The following ADGRV1 variants were observed in gnomAD, a reference collection of about 807,000 sequenced individuals.
ADGRV1 encodes the protein adhesion G protein-coupled receptor V1.
Under a neutral mutation model 596.2 loss-of-function variants are expected in ADGRV1, and 359 were observed. That is an observed-to-expected ratio of 0.60 (90% CI 0.55 to 0.66). ADGRV1 has a LOEUF of 0.66. Ranked by LOEUF, ADGRV1 falls within the 30% of genes least tolerant of loss-of-function variation. The pLI is 0.00. For synonymous variants in ADGRV1, 2,681 were observed against 2,679.2 expected, an observed-to-expected ratio of 1.00 and a Z score of -0.02; for missense variants, 7,274 against 7,575.6, an observed-to-expected ratio of 0.96 and a Z score of 1.48.
At chr5:90,803,349 A>G (rs925758940) in intron 71 of ADGRV1, among the ~76,000 whole-genome samples, 2 of 152,192 alleles carry the variant, frequency 1.3e-5, no homozygotes, top group Non-Finnish European at 2.9e-5. Flanking sequence ...TTATTTCCCA[A>G]TCATTTCATA....
At chr5:90,842,500 C>T (rs1444738104) in intron 78 of ADGRV1, among the ~76,000 whole-genome samples, 1 of 152,124 alleles carries the variant, frequency 6.6e-6, no homozygotes, top group African/African-American at 2.4e-5. Context: ...AGGCAGATCA[C>T]TTGAGGTCAG....
intron 48 of ADGRV1, among the ~76,000 whole-genome samples, chr5:90,728,368 G>A (rs1260055209): frequency 1.3e-5 from 2 of 152,066 alleles, no homozygotes; most frequent in Non-Finnish European, 2.9e-5. Context: ...TTTCCCTGCT[G>A]TCAACAACCC....
chr5:90,573,918 A>T (rs1164822208), intron 1 of ADGRV1, among the ~76,000 whole-genome samples: 1 of 152,206 alleles, frequency 6.6e-6, no homozygotes, highest in East Asian at 1.9e-4. Flanking sequence ...TCTTTTCCCC[A>T]TTGCTTGTTT....
intron 28 of ADGRV1, 128 bp from the exon 29 acceptor site, chr5:90,685,652 A>C (rs1420093535): frequency 2.7e-6 from 1 of 375,292 alleles, no homozygotes. Flanking sequence ...AATAAATAGT[A>C]GAGGGAAAAC....
chr5:90,750,709 A>G lies in ADGRV1; in HGVS notation c.11121+12A>G. ...CTACCTCAGGAGTGGTATGTAATTT[A>G]CAAAGTTATAGGAAACACTTTTAAA... On this transcript the variant is annotated intron_variant, in intron 53 of 89. Transcript: ENST00000405460. 2 of 1,605,092 alleles carry G rather than the reference A, an allele frequency of 1.2e-6. No homozygotes were observed.
chr5:90,765,430 C>CAA, intron 59 of ADGRV1, among the ~76,000 whole-genome samples: 1 of 37,576 alleles, frequency 2.7e-5, no homozygotes, highest in Non-Finnish European at 6.3e-5. Flanking sequence ...AATCACAGAC[C>CAA]ACACACACAC....
At chr5:91,139,330 G>C (rs1272542776) in intron 87 of ADGRV1, among the ~76,000 whole-genome samples, 1 of 152,120 alleles carries the variant, frequency 6.6e-6, no homozygotes, top group Non-Finnish European at 1.5e-5. Context: ...AAAAGATTTA[G>C]AAGCCCAGTA....
At chr5:90,928,972 G>A (rs545277966) in intron 83 of ADGRV1, among the ~76,000 whole-genome samples, 5,140 of 148,646 alleles carry the variant, frequency 0.035, 142 homozygotes, top group Non-Finnish European at 0.055. Context: ...ACCCACTTGA[G>A]GAGGCAGTCT....
chr5:90,788,971 C>CA (rs1759784862), intron 68 of ADGRV1, among the ~76,000 whole-genome samples: 1 of 151,828 alleles, frequency 6.6e-6, no homozygotes, highest in African/African-American at 2.4e-5. Flanking sequence ...CTGGCAAGTC[C>CA]AAAATCCATG....
intron 86 of ADGRV1, among the ~76,000 whole-genome samples, chr5:91,101,789 G>GCACA (rs144940667): frequency 0.063 from 9,459 of 150,726 alleles, 401 homozygotes; most frequent in East Asian, 0.15. Flanking sequence ...ACGTGCGCAT[G>GCACA]CACACACACA....
intron 59 of ADGRV1, among the ~76,000 whole-genome samples, chr5:90,769,692 T>A (rs1757490364): frequency 6.6e-6 from 1 of 152,192 alleles, no homozygotes; most frequent in African/African-American, 2.4e-5. Flanking sequence ...TATTAAATAG[T>A]ATTATTTTAA....
intron 85 of ADGRV1, among the ~76,000 whole-genome samples, chr5:91,047,403 T>G (rs1439583703): frequency 6.6e-6 from 1 of 152,116 alleles, no homozygotes; most frequent in African/African-American, 2.4e-5. Context: ...GTATGCAAGC[T>G]GAGGAGCAAC....
intron 89 of ADGRV1, among the ~76,000 whole-genome samples, chr5:91,154,176 A>C (rs528168184): frequency 5.1e-4 from 78 of 152,378 alleles, no homozygotes; most frequent in Middle Eastern, 3.4e-3. Flanking sequence ...ATGCAGTTTA[A>C]AAATTTTTTC....
chr5:90,972,743 G>C (rs2150998626), intron 84 of ADGRV1, among the ~76,000 whole-genome samples: 1 of 152,172 alleles, frequency 6.6e-6, no homozygotes, highest in Middle Eastern at 3.4e-3. Context: ...GCCCACAAGA[G>C]AAAGCAGGAA....
At chr5:90,745,363 A>G (rs981593303) in intron 51 of ADGRV1, 98 bp downstream of exon 51, 2 of 828,762 alleles carry the variant, frequency 2.4e-6, no homozygotes, top group Non-Finnish European at 3.7e-6. Context: ...AAAATATACA[A>G]AATATAAGAG....
intron 88 of ADGRV1, among the ~76,000 whole-genome samples, chr5:91,150,740 C>T (rs1795982025): frequency 6.6e-6 from 1 of 152,218 alleles, no homozygotes; most frequent in Non-Finnish European, 1.5e-5. Flanking sequence ...AGAAAACAAG[C>T]TCAGAAGAGT....
At chr5:90,662,440 A>G (rs147698019) in intron 21 of ADGRV1, among the ~76,000 whole-genome samples, 5,327 of 151,800 alleles carry the variant, frequency 0.035, 176 homozygotes, top group African/African-American at 0.093. Context: ...TGATCCACCT[A>G]CCTCAGCCTC....
At chr5:90,648,018 A>T (rs1034434480) in intron 17 of ADGRV1, among the ~76,000 whole-genome samples, 3 of 152,202 alleles carry the variant, frequency 2.0e-5, no homozygotes, top group African/African-American at 7.2e-5. Flanking sequence ...AAATTCTGAT[A>T]TATAAGTAAG....
At chr5:90,930,154 A>G (rs1374024486) in intron 83 of ADGRV1, among the ~76,000 whole-genome samples, 1 of 152,160 alleles carries the variant, frequency 6.6e-6, no homozygotes, top group Admixed American at 6.5e-5. Context: ...TCTTAACAGT[A>G]CTATTTTAAG....
Sources: allele counts gnomAD v4.1 joint callset (sites outside exome capture counted in the v4.1 genomes callset), GRCh38; gene constraint gnomAD v4.1.1; transcripts MANE v1.5; gene names NCBI Gene and HGNC (gene_info 2026-07-23, HGNC 2026-07-21).